The following DOCK3 variants were observed in gnomAD, a reference collection of about 807,000 sequenced individuals.
DOCK3 encodes dedicator of cytokinesis 3.
Under a neutral mutation model 265.6 loss-of-function variants are expected in DOCK3, and 60 were observed. The observed-to-expected ratio is 0.23, with a 90% CI of 0.18 to 0.28. DOCK3 has a LOEUF of 0.28. Ranked by LOEUF, DOCK3 falls within the 10% of genes least tolerant of loss-of-function variation. DOCK3 has a pLI of 1.00. For missense variants in DOCK3, 1,981 were observed against 2,594.3 expected, an observed-to-expected ratio of 0.76 and a Z score of 5.14; for synonymous variants, 881 against 938.0, an observed-to-expected ratio of 0.94 and a Z score of 1.11.
intron 51 of DOCK3, among the ~76,000 whole-genome samples, chr3:51,377,322 G>T (rs1004877739): frequency 6.6e-6 from 1 of 152,252 alleles, no homozygotes; most frequent in Non-Finnish European, 1.5e-5. Context: ...AGGCCAGAGC[G>T]TAGCTCCCTA....
At chr3:51,357,447 T>C (rs2086440016) in intron 44 of DOCK3, among the ~76,000 whole-genome samples, 1 of 152,148 alleles carries the variant, frequency 6.6e-6, no homozygotes, top group Admixed American at 6.5e-5. Flanking sequence ...AGAAGTGAGT[T>C]GTAGGCTGGA....
intron 3 of DOCK3, among the ~76,000 whole-genome samples, chr3:50,851,822 C>T (rs1181381816): frequency 1.3e-5 from 2 of 152,216 alleles, no homozygotes; most frequent in African/African-American, 2.4e-5. Flanking sequence ...AGAACAGGTA[C>T]TCTGATCTCT....
intron 5 of DOCK3, among the ~76,000 whole-genome samples, chr3:50,989,474 G>A (rs547295611): frequency 6.6e-6 from 1 of 152,130 alleles, no homozygotes; most frequent in Admixed American, 6.5e-5. Context: ...AACCAAGGAA[G>A]CATCTACCAA....
chr3:50,761,185 A>C (rs1386434091), intron 1 of DOCK3, among the ~76,000 whole-genome samples: 1 of 152,048 alleles, frequency 6.6e-6, no homozygotes, highest in Non-Finnish European at 1.5e-5. Flanking sequence ...TATTTTTTAA[A>C]ATAAACAAAG....
intron 9 of DOCK3, among the ~76,000 whole-genome samples, chr3:51,106,028 C>T (rs961522003): frequency 3.3e-5 from 5 of 152,218 alleles, no homozygotes; most frequent in African/African-American, 1.2e-4. Flanking sequence ...GGGCAGAACT[C>T]TGGTCAGGGT....
At position 50,699,487 on chromosome 3, in the gene DOCK3, CT is replaced by C. The variant is rs1384270280; in HGVS notation, c.37+24188del. ...TTTTTTTTTGAGATGGATTCTTGCT[CT>C]GTTGCCCAGGCTGGAGTGCAGTGGC... On this transcript the variant is annotated intron_variant, in intron 1 of 52. Transcript: ENST00000266037. Among the ~76,000 whole-genome samples the C allele has an allele frequency of 2.9e-5, 4 of 135,918 alleles. No homozygotes were observed. In the East Asian group the frequency reaches 8.6e-4, roughly 29 times the overall value. 89.2% of individuals were successfully genotyped at this position (135,918 alleles called of 152,430 possible).
At chr3:51,349,686 T>A (rs548319733) in intron 39 of DOCK3, among the ~76,000 whole-genome samples, 1 of 152,308 alleles carries the variant, frequency 6.6e-6, no homozygotes, top group South Asian at 2.1e-4. Flanking sequence ...AGTAAAAAAG[T>A]TACAGACCTT....
intron 1 of DOCK3, among the ~76,000 whole-genome samples, chr3:50,756,178 G>A (rs2040151753): frequency 6.6e-6 from 1 of 152,174 alleles, no homozygotes; most frequent in Non-Finnish European, 1.5e-5. Context: ...TGCACAGTGT[G>A]TTTATGGAAG....
At chr3:51,177,716 C>T (rs140223846) in intron 12 of DOCK3, among the ~76,000 whole-genome samples, 2,336 of 152,204 alleles carry the variant, frequency 0.015, 31 homozygotes, top group Middle Eastern at 0.041. Context: ...CTTGGCCAGG[C>T]GCAGTGGCTC....
chr3:51,365,724 T>C (rs2087101577), intron 49 of DOCK3, among the ~76,000 whole-genome samples: 1 of 152,274 alleles, frequency 6.6e-6, no homozygotes, highest in Admixed American at 6.5e-5. Flanking sequence ...CAAAGGCCTT[T>C]TCTGCATCTA....
intron 4 of DOCK3, among the ~76,000 whole-genome samples, chr3:50,919,036 G>T (rs1227302174): frequency 6.6e-6 from 1 of 152,098 alleles, no homozygotes; most frequent in African/African-American, 2.4e-5. Context: ...CCCATTTCTT[G>T]TTTTTGTCAG....
intron 32 of DOCK3, among the ~76,000 whole-genome samples, chr3:51,323,653 C>T (rs56361536): frequency 0.034 from 5,110 of 152,160 alleles, 306 homozygotes; most frequent in African/African-American, 0.11. Context: ...AAAGACACAA[C>T]GTACCAGAAT....
chr3:50,847,823 C>T (rs921918946), intron 3 of DOCK3, among the ~76,000 whole-genome samples: 1 of 135,534 alleles, frequency 7.4e-6, no homozygotes, highest in African/African-American at 2.8e-5. Context: ...GCAGAGGTTG[C>T]AGTGAGCCGA....
chr3:50,736,527 A>C (rs991002955), intron 1 of DOCK3, among the ~76,000 whole-genome samples: 3 of 152,072 alleles, frequency 2.0e-5, no homozygotes, highest in African/African-American at 7.2e-5. Context: ...ATAGTGTAAA[A>C]GTGTTCCTAT....
At chr3:51,302,761 G>A (rs1187364171) in intron 27 of DOCK3, among the ~76,000 whole-genome samples, 2 of 152,110 alleles carry the variant, frequency 1.3e-5, no homozygotes, top group Non-Finnish European at 2.9e-5. Context: ...ATCTCTTCTG[G>A]CTTATAGGGT....
chr3:51,119,593 C>T (rs1394650159), intron 9 of DOCK3, among the ~76,000 whole-genome samples: 1 of 152,194 alleles, frequency 6.6e-6, no homozygotes, highest in East Asian at 1.9e-4. Flanking sequence ...ACATCACCTT[C>T]ATATACACCA....
At chr3:50,721,045 TTTTG>T (rs1225175633) in intron 1 of DOCK3, among the ~76,000 whole-genome samples, 1 of 152,036 alleles carries the variant, frequency 6.6e-6, no homozygotes, top group Non-Finnish European at 1.5e-5. Context: ...ATGTGTTTTT[TTTTG>T]TTTGTTTTTT....
rs2078419288 is a variant in DOCK3, at chr3:51,000,043, G to A, written c.316-64405G>A. On this transcript the variant is annotated intron_variant, in intron 5 of 52. Coordinates refer to ENST00000266037, the MANE Select transcript of DOCK3 (RefSeq NM_004947.5). ...TAGGGATCAGCCCAAAGTGAAAACT[G>A]AGGGTCTTCTCTGGCCTTTTCTTAG... Among the ~76,000 whole-genome samples the A allele has an allele frequency of 1.3e-5, 2 of 152,178 alleles. 1 individual carries two copies. The highest frequency in any genetic ancestry group is 1.3e-4 in the Admixed American group (2 of 15,280).
intron 5 of DOCK3, among the ~76,000 whole-genome samples, chr3:51,016,583 A>G (rs1466830839): frequency 2.1e-5 from 2 of 93,924 alleles, no homozygotes; most frequent in East Asian, 2.8e-4. Context: ...ATTTATATAT[A>G]TCATATATTA....
Sources: allele counts gnomAD v4.1 joint callset (sites outside exome capture counted in the v4.1 genomes callset), GRCh38; gene constraint gnomAD v4.1.1; transcripts MANE v1.5; gene names NCBI Gene and HGNC (gene_info 2026-07-23, HGNC 2026-07-21).